KCNIP4: variants seen among roughly 807,000 people sequenced by gnomAD.
The protein encoded by KCNIP4 is potassium voltage-gated channel interacting protein 4.
KCNIP4 carries 12 observed loss-of-function variants against 34.0 expected under a neutral mutation model. The ratio of observed to expected loss-of-function variants is 0.35; its 90% CI spans 0.23 to 0.57. The LOEUF (loss-of-function observed/expected upper bound fraction) is 0.57, where lower values mean the gene tolerates loss of function less well. Ranked by LOEUF, KCNIP4 falls within the 20% of genes least tolerant of loss-of-function variation. The pLI, the probability that KCNIP4 is intolerant of heterozygous loss-of-function variation, is 0.83. For synonymous variants in KCNIP4, 124 were observed against 102.2 expected (o/e 1.21, Z -1.29); for missense variants, 238 against 311.7 (o/e 0.76, Z 1.78).
At chr4:21,571,304 G>A (rs913424841) in intron 1 of KCNIP4, among the ~76,000 whole-genome samples, 1 of 152,166 alleles carries the variant, frequency 6.6e-6, no homozygotes, top group Non-Finnish European at 1.5e-5. Context: ...CACAGAGGGC[G>A]CATCTGGGTG....
intron 1 of KCNIP4, among the ~76,000 whole-genome samples, chr4:21,208,793 A>G (rs1167599940): frequency 1.3e-5 from 2 of 152,148 alleles, no homozygotes; most frequent in Non-Finnish European, 2.9e-5. Flanking sequence ...GATTTAATGG[A>G]CTCATAGTTC....
chr4:21,307,188 G>T (rs1317674195), intron 1 of KCNIP4, among the ~76,000 whole-genome samples: 4 of 152,168 alleles, frequency 2.6e-5, no homozygotes, highest in Non-Finnish European at 4.4e-5. Context: ...TGGTCTGGAT[G>T]TCAAAATTAC....
intron 1 of KCNIP4, among the ~76,000 whole-genome samples, chr4:21,768,581 A>G (rs137911720): frequency 3.4e-4 from 52 of 152,238 alleles, no homozygotes; most frequent in South Asian, 6.2e-4. Context: ...ACCTGCTGGT[A>G]AGCACCAAAC....
intron 1 of KCNIP4, among the ~76,000 whole-genome samples, chr4:20,961,201 A>C (rs1226056871): frequency 6.6e-6 from 1 of 152,212 alleles, no homozygotes; most frequent in African/African-American, 2.4e-5. Context: ...ATGCAAGGCA[A>C]ATCACAAAAT....
At chr4:21,363,746 T>G (rs1334600797) in intron 1 of KCNIP4, among the ~76,000 whole-genome samples, 4 of 152,166 alleles carry the variant, frequency 2.6e-5, no homozygotes, top group Non-Finnish European at 4.4e-5. Context: ...TTGATATCAT[T>G]CCTGCCCTCA....
intron 2 of KCNIP4, among the ~76,000 whole-genome samples, chr4:20,875,386 A>G (rs1208110175): frequency 2.0e-5 from 3 of 152,196 alleles, no homozygotes; most frequent in Non-Finnish European, 2.9e-5. Context: ...TAAAATGGGT[A>G]TAATCCTGTC....
chr4:21,928,327 G>T (rs970145713), intron 1 of KCNIP4, among the ~76,000 whole-genome samples: 1 of 151,966 alleles, frequency 6.6e-6, no homozygotes, highest in Admixed American at 6.6e-5. Context: ...CTTAAAAAAT[G>T]GTCTTGCATG....
chr4:21,944,708 G>A (rs1430896562), intron 1 of KCNIP4, among the ~76,000 whole-genome samples: 1 of 152,180 alleles, frequency 6.6e-6, no homozygotes, highest in Non-Finnish European at 1.5e-5. Context: ...GGATAAAGTG[G>A]TGGACAGGAC....
At chr4:21,124,423 T>G (rs1434050303) in intron 1 of KCNIP4, among the ~76,000 whole-genome samples, 2 of 152,158 alleles carry the variant, frequency 1.3e-5, no homozygotes, top group African/African-American at 4.8e-5. Context: ...TTGAGAAATT[T>G]TTTCATCTCT....
intron 1 of KCNIP4, among the ~76,000 whole-genome samples, chr4:21,270,749 G>C (rs1340506268): frequency 6.6e-6 from 1 of 152,122 alleles, no homozygotes; most frequent in Non-Finnish European, 1.5e-5. Flanking sequence ...CACATTGGGA[G>C]GCCAAGGAGG....
chr4:21,231,918 T>C (rs927219227), intron 1 of KCNIP4, among the ~76,000 whole-genome samples: 4 of 152,120 alleles, frequency 2.6e-5, no homozygotes, highest in African/African-American at 9.7e-5. Context: ...TGTCAAGACA[T>C]AGATAAGTGC....
intron 1 of KCNIP4, among the ~76,000 whole-genome samples, chr4:21,545,283 A>G (rs2109006129): frequency 6.6e-6 from 1 of 152,034 alleles, no homozygotes; most frequent in South Asian, 2.1e-4. Context: ...TTAATAATCC[A>G]CCCCTTGGAT....
At chr4:21,423,732 A>T (rs972453271) in intron 1 of KCNIP4, among the ~76,000 whole-genome samples, 9 of 152,170 alleles carry the variant, frequency 5.9e-5, no homozygotes, top group Non-Finnish European at 1.3e-4. Flanking sequence ...ATAGAGACAA[A>T]ACCATGCTAC....
At chr4:21,547,596 G>A (rs1052007638) in intron 1 of KCNIP4, among the ~76,000 whole-genome samples, 16 of 151,928 alleles carry the variant, frequency 1.1e-4, no homozygotes, top group Admixed American at 5.3e-4. Flanking sequence ...ATTTTAAAGG[G>A]ACCATATTAC....
At chr4:21,046,510 A>C (rs1179584049) in intron 1 of KCNIP4, among the ~76,000 whole-genome samples, 1 of 152,178 alleles carries the variant, frequency 6.6e-6, no homozygotes, top group African/African-American at 2.4e-5. Context: ...TTAGACTTTT[A>C]AATAAAGCCA....
intron 1 of KCNIP4, among the ~76,000 whole-genome samples, chr4:21,872,010 T>G (rs1725851021): frequency 6.6e-6 from 1 of 151,918 alleles, no homozygotes; most frequent in East Asian, 1.9e-4. Flanking sequence ...CTGAATAATA[T>G]TTTTTAACAC....
chr4:21,728,500 C>T (rs1270397321), intron 1 of KCNIP4, among the ~76,000 whole-genome samples: 1 of 152,068 alleles, frequency 6.6e-6, no homozygotes, highest in Admixed American at 6.6e-5. Context: ...GCCCTTGCTG[C>T]CTTACAGTCT....
chr4:21,298,273 G>T (rs898287956), intron 1 of KCNIP4, among the ~76,000 whole-genome samples: 3 of 152,054 alleles, frequency 2.0e-5, no homozygotes, highest in African/African-American at 7.2e-5. Flanking sequence ...AAAGGTTGGG[G>T]TGTGTGTTTT....
chr4:21,725,849 GATTTAATAATTAATTAATT>G (rs1263190118), intron 1 of KCNIP4, among the ~76,000 whole-genome samples: 1 of 152,036 alleles, frequency 6.6e-6, no homozygotes, highest in African/African-American at 2.4e-5. Flanking sequence ...TTATAAAATT[GATTTAATAATTAATTAATT>G]ATCAGGCCTC....
Sources: allele counts gnomAD v4.1 joint callset (sites outside exome capture counted in the v4.1 genomes callset), GRCh38; gene constraint gnomAD v4.1.1; transcripts MANE v1.5; gene names NCBI Gene and HGNC (gene_info 2026-07-23, HGNC 2026-07-21).